The following PAIP2B variants were observed in gnomAD, a reference collection of about 807,000 sequenced individuals.
PAIP2B encodes polyadenylate-binding protein-interacting protein 2B.
In PAIP2B, 13 loss-of-function variants were observed where a neutral mutation model predicts 17.0. The observed-to-expected ratio is 0.76, with a 90% CI of 0.50 to 1.22. The LOEUF (loss-of-function observed/expected upper bound fraction) is 1.22. Ranked by LOEUF, PAIP2B falls within the 50% of genes most tolerant of loss-of-function variation. The probability of loss-of-function intolerance (pLI) is 0.00; values close to 1 mark genes in which losing one functional copy is unlikely to be tolerated. For synonymous variants in PAIP2B, 43 were observed against 48.7 expected, an observed-to-expected ratio of 0.88 and a Z score of 0.48; for missense variants, 117 against 144.5, an observed-to-expected ratio of 0.81 and a Z score of 0.98.
At chr2:71,225,114 T>C (rs1338946083) in intron 1 of PAIP2B, among the ~76,000 whole-genome samples, 2 of 152,168 alleles carry the variant, frequency 1.3e-5, no homozygotes, top group Non-Finnish European at 2.9e-5. Flanking sequence ...TGTCTTAAAC[T>C]CCTAGGTTCA....
intron 1 of PAIP2B, among the ~76,000 whole-genome samples, chr2:71,225,687 G>A (rs1675703658): frequency 6.6e-6 from 1 of 152,136 alleles, no homozygotes; most frequent in South Asian, 2.1e-4. Context: ...CTTAATCAAA[G>A]CTAAGAGCAG....
chr2:71,194,204 C>T (rs1314343235), intron 2 of PAIP2B, among the ~76,000 whole-genome samples: 3 of 151,966 alleles, frequency 2.0e-5, no homozygotes, highest in Non-Finnish European at 4.4e-5. Context: ...TATTCGTGCA[C>T]TTTTTAGGTT....
intron 1 of PAIP2B, among the ~76,000 whole-genome samples, chr2:71,215,657 T>C (rs1026740882): frequency 6.6e-6 from 1 of 152,118 alleles, no homozygotes; most frequent in Non-Finnish European, 1.5e-5. Context: ...GAAATTAGAG[T>C]TGACAAGCAA....
chr2:71,192,262 AT>A lies in PAIP2B; in HGVS notation c.139-2242del, dbSNP rs56380844. On this transcript the variant is annotated intron_variant, in intron 2 of 3. Transcript: ENST00000244221. Reference sequence around the variant, plus strand: ...CTGTATTTTGCTTCATAGATACTGCATTTTTTTTTTTTTTTTTACAAATTGA... The same window carrying A: ...CTGTATTTTGCTTCATAGATACTGCATTTTTTTTTTTTTTTTACAAATTGA... 3.6e-3 allele frequency among the ~76,000 whole-genome samples: 514 copies of A among 142,206 alleles called. 2 individuals carry two copies. The highest frequency in any genetic ancestry group is 9.0e-3 in the African/African-American group (348 of 38,630). The allele number at this position is 142,206 out of a possible 152,430, so 93.3% of individuals were successfully genotyped here.
rs947663506 is a variant in PAIP2B at position 71,206,289 on chromosome 2, G to A, written c.-11-3689C>T. 2.6e-5 allele frequency among the ~76,000 whole-genome samples: 4 copies of A among 152,312 alleles called. No homozygotes were observed. In the East Asian group the frequency reaches 7.7e-4, roughly 29 times the overall value. ...TTAGACCTCAACAGTAGATAAAGGA[G>A]TTTGTGTCTGGTCTGTGACTATATT... On this transcript the variant is annotated intron_variant, in intron 1 of 3. Transcript: ENST00000244221.
At chr2:71,194,682 C>T (rs1371621601) in intron 2 of PAIP2B, among the ~76,000 whole-genome samples, 2 of 152,170 alleles carry the variant, frequency 1.3e-5, no homozygotes, top group African/African-American at 4.8e-5. Context: ...TGTCTGCAAA[C>T]AGATATAGTA....
intron 1 of PAIP2B, among the ~76,000 whole-genome samples, chr2:71,210,281 G>C (rs1456859832): frequency 6.6e-6 from 1 of 152,208 alleles, no homozygotes; most frequent in Non-Finnish European, 1.5e-5. Flanking sequence ...GAGTAGTTCA[G>C]CTTTAGGTGG....
chr2:71,192,358 T>C (rs2103757182), intron 2 of PAIP2B, among the ~76,000 whole-genome samples: 1 of 152,190 alleles, frequency 6.6e-6, no homozygotes, highest in Non-Finnish European at 1.5e-5. Context: ...GCTCAATGTC[T>C]GTGTCACATT....
At chr2:71,215,707 T>C (rs1316216342) in intron 1 of PAIP2B, among the ~76,000 whole-genome samples, 4 of 152,254 alleles carry the variant, frequency 2.6e-5, no homozygotes, top group African/African-American at 9.6e-5. Flanking sequence ...TGAAAAGGTG[T>C]GGCTTCCACA....
rs528760129 is a variant in PAIP2B, at chr2:71,189,293, G to A, written c.315+552C>T. Among the ~76,000 whole-genome samples, 7 of 152,262 alleles carry A rather than the reference G, an allele frequency of 4.6e-5. No homozygotes were observed. In the East Asian group the frequency reaches 1.2e-3, roughly 25 times the overall value. On this transcript the variant is annotated intron_variant, in intron 3 of 3. Transcript: ENST00000244221. ...CTCCCAAAGTGCTGGGATTACAGGC[G>A]TGAGCCACCGTGCCCAGCCTGCTCA...
At chr2:71,223,216 C>T (rs1675634917) in intron 1 of PAIP2B, among the ~76,000 whole-genome samples, 1 of 152,070 alleles carries the variant, frequency 6.6e-6, no homozygotes, top group African/African-American at 2.4e-5. Context: ...ATATCGAGAC[C>T]AGCCTGGCCA....
At chr2:71,201,057 G>A (rs1345802113) in intron 2 of PAIP2B, among the ~76,000 whole-genome samples, 1 of 151,102 alleles carries the variant, frequency 6.6e-6, no homozygotes, top group East Asian at 1.9e-4. Flanking sequence ...ATGTGTATGT[G>A]TGTTTCTGCA....
intron 1 of PAIP2B, among the ~76,000 whole-genome samples, chr2:71,226,479 G>A (rs1675730899): frequency 6.6e-6 from 1 of 152,212 alleles, no homozygotes; most frequent in South Asian, 2.1e-4. Flanking sequence ...CCGCGAATAG[G>A]GGAAGGGCAC....
At chr2:71,204,910 T>C (rs1184515794) in intron 1 of PAIP2B, among the ~76,000 whole-genome samples, 2 of 152,184 alleles carry the variant, frequency 1.3e-5, no homozygotes, top group East Asian at 3.9e-4. Flanking sequence ...ACTAGCACAC[T>C]GATTTCTCAC....
chr2:71,211,549 C>G (rs995952746), intron 1 of PAIP2B, among the ~76,000 whole-genome samples: 2 of 151,274 alleles, frequency 1.3e-5, no homozygotes, highest in African/African-American at 4.9e-5. Context: ...AATTCCTACA[C>G]CAACAGTTCC....
At chr2:71,222,291 C>T (rs147321295) in intron 1 of PAIP2B, among the ~76,000 whole-genome samples, 12 of 152,296 alleles carry the variant, frequency 7.9e-5, no homozygotes, top group Non-Finnish European at 1.3e-4. Flanking sequence ...ACCAACCTTA[C>T]TTCTGTGGCC....
At chr2:71,194,444 A>G (rs1674763738) in intron 2 of PAIP2B, among the ~76,000 whole-genome samples, 1 of 144,362 alleles carries the variant, frequency 6.9e-6, no homozygotes, top group Non-Finnish European at 1.5e-5. Flanking sequence ...CTCCCTGGTT[A>G]GCTGTATTCC....
At chr2:71,201,965 A>G (rs1674996060) in intron 2 of PAIP2B, among the ~76,000 whole-genome samples, 1 of 152,212 alleles carries the variant, frequency 6.6e-6, no homozygotes. Flanking sequence ...TAAGATTGAT[A>G]AGAGTCTTGT....
Position 71,189,839 on chromosome 2 carries a change from T to G in PAIP2B, c.315+6A>C. 2 of 1,549,126 alleles carry G rather than the reference T, an allele frequency of 1.3e-6. No individual in the cohort carries two copies. The highest frequency in any genetic ancestry group is 1.7e-6 in the Non-Finnish European group (2 of 1,145,564). ...CATAACCTGGGGAACTACATATGGCTCTTACCAAAATATCTTCAGAATCAT... is the reference window on the plus strand; with the variant it reads ...CATAACCTGGGGAACTACATATGGCGCTTACCAAAATATCTTCAGAATCAT... On this transcript the variant is annotated splice_donor_region_variant and intron_variant, in intron 3 of 3. Transcript: ENST00000244221.
Sources: gnomAD v4.1 joint callset for allele counts (sites outside exome capture counted in the v4.1 genomes callset) on GRCh38, gnomAD v4.1.1 for gene constraint, MANE v1.5 for transcripts, NCBI Gene and HGNC (gene_info 2026-07-23, HGNC 2026-07-21) for gene names.